The following WDR72 variants were observed in gnomAD, a reference collection of about 807,000 sequenced individuals.
WDR72 encodes WD repeat domain 72, also known as WD repeat-containing protein 72.
WDR72 carries 120 observed loss-of-function variants against 124.2 expected under a neutral mutation model. The observed-to-expected ratio is 0.97, with a 90% CI of 0.83 to 1.12. The LOEUF (loss-of-function observed/expected upper bound fraction) is 1.12, where lower values mean the gene tolerates loss of function less well. WDR72 is among the 50% of genes most tolerant of loss of function. The pLI is 0.00. For missense variants in WDR72, 1,387 were observed against 1,278.8 expected, an observed-to-expected ratio of 1.08 and a Z score of -1.29; for synonymous variants, 452 against 441.7, an observed-to-expected ratio of 1.02 and a Z score of -0.29.
At chr15:53,619,529 C>T (rs2013904125) in intron 14 of WDR72, among the ~76,000 whole-genome samples, 1 of 151,894 alleles carries the variant, frequency 6.6e-6, no homozygotes. Flanking sequence ...AGGGCTGAGA[C>T]CAACAAAGAC....
Position 53,523,293 on chromosome 15 carries a change from T to G in WDR72, c.3178A>C (p.Asn1060His). The G allele has an allele frequency of 6.2e-7, 1 of 1,612,850 alleles. No homozygotes were observed. The highest frequency in any genetic ancestry group is 8.5e-7 in the Non-Finnish European group (1 of 1,179,390). The change falls in exon 19 of 20, where the codon AAC becomes CAC. Residue 1060 changes from asparagine to histidine, a missense_variant. Transcript: ENST00000360509. ...TPVSPVKHDS[N>H]SNSANFQDVE... ...TCTTGGAAGTTTGCCGAGTTTGAGT[T>G]GCTGTCATGCTTGACCGGGCTGACT...
chr15:53,670,640 G>A (rs1595835504), intron 13 of WDR72, among the ~76,000 whole-genome samples: 1 of 152,174 alleles, frequency 6.6e-6, no homozygotes, highest in South Asian at 2.1e-4. Flanking sequence ...TGTGGCCTTG[G>A]ACAAGTTACT....
At chr15:53,545,168 A>C (rs1245172283) in intron 18 of WDR72, among the ~76,000 whole-genome samples, 5 of 151,280 alleles carry the variant, frequency 3.3e-5, no homozygotes, top group Non-Finnish European at 7.4e-5. Context: ...ACTACTTTAA[A>C]GTTCATGTGG....
rs150705289 is a variant in WDR72, at chr15:53,583,177, G to A, written c.3148+13902C>T. On this transcript the variant is annotated intron_variant, in intron 18 of 19. Coordinates refer to ENST00000360509, the MANE Select transcript of WDR72 (RefSeq NM_182758.4). The stretch of plus-strand genomic sequence containing the variant: ...GTATCATCATAGTAAAGCTATGCAA[G>A]TGTACTGTACCTTAGTGTTCCTCTC... 4.7e-3 allele frequency among the ~76,000 whole-genome samples: 713 copies of A among 152,032 alleles called. 7 individuals carry two copies. The highest frequency in any genetic ancestry group is 0.016 in the African/African-American group (680 of 41,512).
chr15:53,543,883 C>G (rs1414368012), intron 18 of WDR72, among the ~76,000 whole-genome samples: 1 of 152,188 alleles, frequency 6.6e-6, no homozygotes, highest in Non-Finnish European at 1.5e-5. Flanking sequence ...CTACAAACAC[C>G]TCTACGCAAA....
intron 18 of WDR72, among the ~76,000 whole-genome samples, chr15:53,546,680 A>G (rs1380325462): frequency 6.6e-6 from 1 of 152,142 alleles, no homozygotes; most frequent in Non-Finnish European, 1.5e-5. Flanking sequence ...TAAAAAAAAG[A>G]ACAAAGAAAG....
At chr15:53,643,174 A>G (rs904530328) in intron 14 of WDR72, among the ~76,000 whole-genome samples, 7 of 152,146 alleles carry the variant, frequency 4.6e-5, no homozygotes, top group African/African-American at 1.7e-4. Context: ...TCCTATTTTT[A>G]CCTTAGAACT....
chr15:53,684,082 G>C (rs988261203), intron 13 of WDR72: 3 of 152,122 alleles, frequency 2.0e-5, no homozygotes, highest in Admixed American at 2.0e-4. Context: ...AAATAAGTAT[G>C]AGCATATCTT....
intron 2 of WDR72, among the ~76,000 whole-genome samples, chr15:53,725,918 T>C (rs1221693110): frequency 6.6e-6 from 1 of 151,740 alleles, no homozygotes; most frequent in African/African-American, 2.4e-5. Flanking sequence ...ATTAAAAATA[T>C]AAAAATTAGC....
chr15:53,619,264 T>TTTTGTGTGTGTGTGTGTG (rs3223120), intron 14 of WDR72, among the ~76,000 whole-genome samples: 2 of 147,406 alleles, frequency 1.4e-5, no homozygotes, highest in Admixed American at 1.4e-4. Context: ...TGCTTTATAA[T>TTTTGTGTGTGTGTGTGTG]TGTGTGTGTG....
intron 13 of WDR72, among the ~76,000 whole-genome samples, chr15:53,699,426 A>G (rs2017098348): frequency 6.6e-6 from 1 of 152,208 alleles, no homozygotes; most frequent in Non-Finnish European, 1.5e-5. Flanking sequence ...GAATTTAATG[A>G]TAATTTGAGA....
rs2016772078 is a variant in WDR72 at position 53,689,702 on chromosome 15, C to T, written c.1765+10048G>A. Among the ~76,000 whole-genome samples, 3 of 151,396 alleles carry T rather than the reference C, an allele frequency of 2.0e-5. No individual in the cohort carries two copies. In the South Asian group the frequency reaches 6.3e-4, roughly 32 times the overall value. ...AACTAGAAATACCATTTGACCCAGC[C>T]ATCCCATTACTGGGTATATACCCAA... On this transcript the variant is annotated intron_variant, in intron 13 of 19. Coordinates refer to ENST00000360509, the MANE Select transcript of WDR72 (RefSeq NM_182758.4).
intron 3 of WDR72, among the ~76,000 whole-genome samples, chr15:53,717,465 G>C (rs578112002): frequency 4.6e-5 from 7 of 152,164 alleles, no homozygotes; most frequent in Admixed American, 6.5e-5. Context: ...AAAATATATA[G>C]ACTAATAATG....
At chr15:53,537,154 C>CATT (rs1892806877) in intron 18 of WDR72, among the ~76,000 whole-genome samples, 1 of 152,088 alleles carries the variant, frequency 6.6e-6, no homozygotes, top group African/African-American at 2.4e-5. Flanking sequence ...AATTTTAGGT[C>CATT]ATTATCCTTT....
At chr15:53,538,548 C>T (rs2140249774) in intron 18 of WDR72, among the ~76,000 whole-genome samples, 1 of 152,160 alleles carries the variant, frequency 6.6e-6, no homozygotes, top group Non-Finnish European at 1.5e-5. Context: ...GTAGAAAGCA[C>T]CATAAAACCT....
intron 14 of WDR72, among the ~76,000 whole-genome samples, chr15:53,631,524 T>A (rs1258269507): frequency 1.3e-5 from 2 of 152,092 alleles, no homozygotes; most frequent in Non-Finnish European, 2.9e-5. Context: ...AATTGGGTAA[T>A]GGGCAGAGGT....
intron 18 of WDR72, among the ~76,000 whole-genome samples, 180 bp downstream of exon 18, chr15:53,596,899 T>C (rs750050033): frequency 9.9e-5 from 15 of 152,184 alleles, no homozygotes; most frequent in African/African-American, 2.9e-4. Flanking sequence ...TATGACCTTT[T>C]CAACTTACAG....
chr15:53,528,450 G>A (rs1595731479), intron 18 of WDR72, among the ~76,000 whole-genome samples: 1 of 152,002 alleles, frequency 6.6e-6, no homozygotes, highest in African/African-American at 2.4e-5. Context: ...GACAAGTTTA[G>A]CAAGATGAGT....
At position 53,691,190 on chromosome 15, in the gene WDR72, C is replaced by T. The variant is rs138151469; in HGVS notation, c.1765+8560G>A. Among the ~76,000 whole-genome samples the T allele has an allele frequency of 5.3e-3, 810 of 152,244 alleles. 4 individuals carry two copies. The highest frequency in any genetic ancestry group is 0.014 in the Middle Eastern group (4 of 294). ...TCGGCCTCCAGAATAGCTGGGACTA[C>T]TGGCACGTACCACTGTGCCTGGCTA... On this transcript the variant is annotated intron_variant, in intron 13 of 19. Transcript: ENST00000360509.
Sources: gnomAD v4.1 joint callset for allele counts (sites outside exome capture counted in the v4.1 genomes callset) on GRCh38, gnomAD v4.1.1 for gene constraint, MANE v1.5 for transcripts, NCBI Gene and HGNC (gene_info 2026-07-23, HGNC 2026-07-21) for gene names.